Variants in ANXA11 observed in about 807,000 individuals in gnomAD.
ANXA11 encodes the protein annexin A11.
Under a neutral mutation model 64.7 loss-of-function variants are expected in ANXA11, and 57 were observed. The observed-to-expected ratio is 0.88, with a 90% CI of 0.71 to 1.10. The LOEUF (loss-of-function observed/expected upper bound fraction) is 1.10, where lower values mean the gene tolerates loss of function less well. ANXA11 is among the 50% of genes least tolerant of loss of function. The probability of loss-of-function intolerance (pLI) is 0.00; values close to 1 mark genes in which losing one functional copy is unlikely to be tolerated. For missense variants in ANXA11, 675 were observed against 670.7 expected (o/e 1.01, Z -0.07); for synonymous variants, 260 against 265.2 (o/e 0.98, Z 0.19).
At chr10:80,162,225 CAG>C (rs113075072) in intron 11 of ANXA11, among the ~76,000 whole-genome samples, 197 bp from the exon 12 acceptor site, 2,333 of 152,390 alleles carry the variant, frequency 0.015, 59 homozygotes, top group African/African-American at 0.053. Context: ...AAGCAGCAAT[CAG>C]GGGCTGAGAT....
At position 80,161,952 on chromosome 10, in the gene ANXA11, C is replaced by T. The variant is rs372196644; in HGVS notation, c.1163G>A (p.Arg388Gln). ...TGCCTTACCTGCTACCAGGTGGGCCCGGCTCCGGGAGCACAGAACCGCATT... is the reference window on the plus strand; with the variant it reads ...TGCCTTACCTGCTACCAGGTGGGCCTGGCTCCGGGAGCACAGAACCGCATT... ...KFNAVLCSRSRAHLVAVFNEY... is the reference protein window; with the variant it reads ...KFNAVLCSRSQAHLVAVFNEY... Residue 388 changes from arginine (R) to glutamine (Q), a missense_variant, in exon 12 of 16, where the codon CGG (arginine) becomes CAG (glutamine). Transcript: ENST00000422982. 54 of 1,611,926 alleles carry T rather than the reference C, an allele frequency of 3.4e-5. No individual in the cohort carries two copies. The highest frequency in any genetic ancestry group is 3.1e-4 in the South Asian group (28 of 91,056).
At chr10:80,186,816 C>T (rs1160834365) in intron 1 of ANXA11, among the ~76,000 whole-genome samples, 1 of 152,258 alleles carries the variant, frequency 6.6e-6, no homozygotes, top group Non-Finnish European at 1.5e-5. Flanking sequence ...ACACGCAGAT[C>T]TCTCCGTCAC....
At chr10:80,170,261 G>A (rs1444010348) in intron 4 of ANXA11, among the ~76,000 whole-genome samples, 1 of 152,108 alleles carries the variant, frequency 6.6e-6, no homozygotes, top group Admixed American at 6.5e-5. Flanking sequence ...GTGTGTATTG[G>A]TTGCATAATT....
chr10:80,204,486 A>G (rs1451118780), intron 1 of ANXA11, among the ~76,000 whole-genome samples: 2 of 152,218 alleles, frequency 1.3e-5, no homozygotes, highest in South Asian at 2.1e-4. Flanking sequence ...AGCGCAGAGA[A>G]CAGAGGGGAG....
intron 2 of ANXA11, among the ~76,000 whole-genome samples, chr10:80,174,812 C>T (rs1450371376): frequency 6.6e-6 from 1 of 152,130 alleles, no homozygotes; most frequent in African/African-American, 2.4e-5. Context: ...CCGCTGCGGC[C>T]TCCCACAGTG....
intron 3 of ANXA11, among the ~76,000 whole-genome samples, chr10:80,172,265 A>G (rs1169951456): frequency 6.6e-6 from 1 of 152,128 alleles, no homozygotes; most frequent in Non-Finnish European, 1.5e-5. Context: ...CTCCTGCAGA[A>G]AACAGGGAGT....
intron 1 of ANXA11, among the ~76,000 whole-genome samples, chr10:80,182,684 C>G (rs1017891095): frequency 6.6e-6 from 1 of 152,110 alleles, no homozygotes; most frequent in African/African-American, 2.4e-5. Flanking sequence ...CTAATGCTCT[C>G]CCTCCCTTGG....
intron 4 of ANXA11, among the ~76,000 whole-genome samples, chr10:80,169,610 C>T (rs1032355526): frequency 6.6e-6 from 1 of 152,170 alleles, no homozygotes; most frequent in Non-Finnish European, 1.5e-5. Context: ...TCCCTCTCCA[C>T]ATGGTTGCTC....
chr10:80,158,110 A>C, intron 13 of ANXA11, 85 bp from the exon 14 acceptor site: 1 of 1,277,480 alleles, frequency 7.8e-7, no homozygotes, highest in Non-Finnish European at 1.1e-6. Context: ...GTCCTCTTAG[A>C]GGCCCAGATG....
rs574115772 is a variant in ANXA11, at chr10:80,193,959, T to C, written c.-58+11384A>G. On this transcript the variant is annotated intron_variant, in intron 1 of 15. Coordinates refer to ENST00000422982, the MANE Select transcript of ANXA11 (RefSeq NM_145868.2). ...TCAGCCTCCCAAGTAGCTGGGATTA[T>C]AGGCATGCGCCACCACGCCCAGCTA... Among the ~76,000 whole-genome samples the C allele has an allele frequency of 4.7e-5, 7 of 150,356 alleles. No homozygotes were observed. The South Asian group carries it at 1.1e-3, about 24-fold the overall frequency.
chr10:80,186,375 C>G (rs1436060584), intron 1 of ANXA11, among the ~76,000 whole-genome samples: 1 of 152,048 alleles, frequency 6.6e-6, no homozygotes, highest in Non-Finnish European at 1.5e-5. Context: ...GTGGGGAGCA[C>G]ACTGGCATGG....
At chr10:80,191,487 T>C (rs374095911) in intron 1 of ANXA11, among the ~76,000 whole-genome samples, 7 of 152,332 alleles carry the variant, frequency 4.6e-5, no homozygotes, top group African/African-American at 1.7e-4. Context: ...TATGGCATTC[T>C]CTTTCCAAAG....
At chr10:80,164,883 T>G (rs1236626502) in intron 8 of ANXA11, among the ~76,000 whole-genome samples, 1 of 152,226 alleles carries the variant, frequency 6.6e-6, no homozygotes, top group Non-Finnish European at 1.5e-5. Context: ...TGCGACATTG[T>G]GTCAGCTGTT....
intron 12 of ANXA11, 102 bp from the exon 13 acceptor site, chr10:80,159,297 T>A: frequency 1.1e-6 from 1 of 919,500 alleles, no homozygotes; most frequent in Non-Finnish European, 1.8e-6. Context: ...TAACCGTGTT[T>A]GGAGATAAGA....
chr10:80,155,968 T>A, intron 15 of ANXA11, 56 bp from the exon 16 acceptor site: 1 of 1,560,834 alleles, frequency 6.4e-7, no homozygotes, highest in Non-Finnish European at 8.8e-7. Flanking sequence ...ACTTTCAGCC[T>A]TCTGGGTCCT....
chr10:80,202,631 A>G (rs1840481541), intron 1 of ANXA11, among the ~76,000 whole-genome samples: 2 of 152,188 alleles, frequency 1.3e-5, no homozygotes, highest in African/African-American at 4.8e-5. Flanking sequence ...AGAAAAATCC[A>G]GAGAAAGTGA....
Position 80,155,606 on chromosome 10 carries a change from T to G in ANXA11, c.*247A>C. On this transcript the variant is annotated 3_prime_UTR_variant, in exon 16 of 16. Coordinates refer to ENST00000422982, the MANE Select transcript of ANXA11 (RefSeq NM_145868.2). ...GGAATGATTGCATGAGTCAGAAAAA[T>G]GAAACATCTATTTTAGCAGCAAGAG... 2.0e-6 allele frequency: 1 copy of G among 494,912 alleles called. No individual in the cohort carries two copies. The allele number at this position is 494,912 out of a possible 1,614,324, so 30.7% of individuals were successfully genotyped here.
chr10:80,170,802 T>C lies in ANXA11; in HGVS notation c.169A>G (p.Met57Val). ...CTCAGCAGGAGAGCTGGACTCACCA[T>C]TCCCGAGAGATAGTCCTGGTTGAAC... is the stretch of plus-strand genomic sequence containing the variant. ...GQFNQDYLSG[M>V]AANMSGTFGG... Residue 57 changes from methionine (M) to valine (V), a missense_variant and splice_region_variant, in exon 4 of 16, where the codon ATG (methionine) becomes GTG (valine). Physicochemically the swap from Met to Val is conservative, Grantham distance 21. Coordinates refer to ENST00000422982, the MANE Select transcript of ANXA11 (RefSeq NM_145868.2). 6.7e-7 allele frequency: 1 copy of C among 1,481,656 alleles called. No homozygotes were observed. The highest frequency in any genetic ancestry group is 9.0e-7 in the Non-Finnish European group (1 of 1,115,174). The allele number at this position is 1,481,656 out of a possible 1,614,324, so 91.8% of individuals were successfully genotyped here. A position where few individuals can be genotyped will look rare whatever the true frequency, so the allele number is the denominator to read the frequency against.
chr10:80,194,706 A>C (rs770959249), intron 1 of ANXA11, among the ~76,000 whole-genome samples: 2 of 152,190 alleles, frequency 1.3e-5, no homozygotes, highest in Non-Finnish European at 2.9e-5. Context: ...TGCCTCCCAG[A>C]ACCTGGGGCT....
Sources: allele counts gnomAD v4.1 joint callset (sites outside exome capture counted in the v4.1 genomes callset), GRCh38; gene constraint gnomAD v4.1.1; transcripts MANE v1.5; gene names NCBI Gene and HGNC (gene_info 2026-07-23, HGNC 2026-07-21).